The following FBXL13 variants were observed in gnomAD, a reference collection of about 807,000 sequenced individuals.
FBXL13 encodes F-box and leucine rich repeat protein 13, also known as F-box and leucine-rich repeat protein 13.
In FBXL13, 67 loss-of-function variants were observed where a neutral mutation model predicts 83.6. That is an observed-to-expected ratio of 0.80 (90% confidence interval 0.66 to 0.98). The LOEUF (loss-of-function observed/expected upper bound fraction) is 0.98, where lower values mean the gene tolerates loss of function less well. FBXL13 is among the 50% of genes least tolerant of loss of function. The pLI, the probability that FBXL13 is intolerant of heterozygous loss-of-function variation, is 0.00. For synonymous variants in FBXL13, 272 were observed against 299.5 expected (o/e 0.91, Z 0.95); for missense variants, 822 against 866.5 (o/e 0.95, Z 0.64).
chr7:102,835,640 C>T lies in FBXL13; in HGVS notation c.1720-2666G>A, dbSNP rs12333538. Among the ~76,000 whole-genome samples the T allele has an allele frequency of 4.0e-5, 4 of 99,704 alleles. No homozygotes were observed. In the South Asian group the frequency reaches 1.2e-3, roughly 30 times the overall value. The allele number at this position is 99,704 out of a possible 152,430, so 65.4% of individuals were successfully genotyped here. A position where few individuals can be genotyped will look rare whatever the true frequency, so the allele number is the denominator to read the frequency against. ...TTTTTTTTTTTTTGAGACGGAGTCT[C>T]GCTCTGTCGCCCAGGCTGGAGTGCA... On this transcript the variant is annotated intron_variant, in intron 17 of 19. Transcript: ENST00000313221.
At chr7:102,947,616 T>C (rs1459989434) in intron 8 of FBXL13, among the ~76,000 whole-genome samples, 1 of 152,202 alleles carries the variant, frequency 6.6e-6, no homozygotes, top group African/African-American at 2.4e-5. Context: ...ACCAATTTCT[T>C]ACTTTATAGT....
At chr7:102,934,335 T>TA (rs1182209287) in intron 8 of FBXL13, 1 of 1,614,126 alleles carries the variant, frequency 6.2e-7, no homozygotes, top group Non-Finnish European at 8.5e-7. Context: ...CACAACCAGA[T>TA]CAAAGTCTTG....
chr7:102,844,980 C>T (rs1584579574), intron 17 of FBXL13, among the ~76,000 whole-genome samples: 1 of 152,270 alleles, frequency 6.6e-6, no homozygotes, highest in Non-Finnish European at 1.5e-5. Context: ...GTGTAGAGGT[C>T]CTGAGTGCAG....
chr7:102,973,542 G>C (rs368561576), intron 6 of FBXL13: 1 of 764,694 alleles, frequency 1.3e-6, no homozygotes. Flanking sequence ...CATTAAAACA[G>C]CAGGTTGCTC....
At chr7:103,024,857 A>ATATTTT (rs1298384907) in intron 6 of FBXL13, among the ~76,000 whole-genome samples, 10 of 62,838 alleles carry the variant, frequency 1.6e-4, no homozygotes, top group African/African-American at 6.3e-4. Context: ...ATATATATAT[A>ATATTTT]TTTTTTTTTT....
chr7:103,039,750 A>G (rs996869660), intron 2 of FBXL13, among the ~76,000 whole-genome samples: 3 of 152,202 alleles, frequency 2.0e-5, no homozygotes, highest in Non-Finnish European at 2.9e-5. Context: ...AAGGAGAAAT[A>G]AAATCCTTTA....
chr7:103,051,218 A>C (rs1796778929), intron 2 of FBXL13, among the ~76,000 whole-genome samples: 1 of 152,216 alleles, frequency 6.6e-6, no homozygotes, highest in South Asian at 2.1e-4. Flanking sequence ...GAACATAAAA[A>C]TTCCTGTGAA....
At chr7:102,932,493 C>T (rs1819374751) in intron 8 of FBXL13, among the ~76,000 whole-genome samples, 1 of 152,192 alleles carries the variant, frequency 6.6e-6, no homozygotes, top group African/African-American at 2.4e-5. Context: ...GTACACTTCC[C>T]CCCAAATACT....
At chr7:102,939,467 T>C in intron 8 of FBXL13, 1 of 1,613,618 alleles carries the variant, frequency 6.2e-7, no homozygotes, top group Non-Finnish European at 8.5e-7. Context: ...CTCCAGATAT[T>C]GTTAAACTTG....
rs763704448 is a variant in FBXL13 at position 102,846,615 on chromosome 7, CA to C, written c.1719+8161del. 8.9e-3 allele frequency among the ~76,000 whole-genome samples: 1,083 copies of C among 122,372 alleles called. 10 individuals are homozygous for C. The highest frequency in any genetic ancestry group is 0.018 in the African/African-American group (613 of 34,240). 80.3% of individuals were successfully genotyped at this position (122,372 alleles called of 152,430 possible). A position where few individuals can be genotyped will look rare whatever the true frequency, so the allele number is the denominator to read the frequency against. On this transcript the variant is annotated intron_variant, in intron 17 of 19. Coordinates refer to ENST00000313221, the Ensembl canonical transcript of FBXL13. Reference sequence around the variant, plus strand: ...TGGGCAACAGAGCAAGACTCAGTCTCAAAAAAAAAAAAAAAAATCTGAAATG... The same window carrying C: ...TGGGCAACAGAGCAAGACTCAGTCTCAAAAAAAAAAAAAAAATCTGAAATG...
intron 6 of FBXL13, among the ~76,000 whole-genome samples, chr7:103,015,051 T>A (rs934647480): frequency 1.4e-5 from 2 of 147,066 alleles, no homozygotes; most frequent in Non-Finnish European, 3.0e-5. Context: ...CACATGCAAA[T>A]CAATAAATGT....
chr7:103,058,426 G>C (rs1248435883), intron 1 of FBXL13, among the ~76,000 whole-genome samples: 1 of 152,240 alleles, frequency 6.6e-6, no homozygotes, highest in Non-Finnish European at 1.5e-5. Context: ...GCCAGCAAGA[G>C]TGGGTCCTAC....
chr7:102,953,413 A>C (rs1266038018), intron 8 of FBXL13, among the ~76,000 whole-genome samples: 1 of 152,178 alleles, frequency 6.6e-6, no homozygotes, highest in African/African-American at 2.4e-5. Context: ...GAAAGAGGGG[A>C]AAACCATTTC....
intron 16 of FBXL13, among the ~76,000 whole-genome samples, chr7:102,875,917 G>C (rs563010170): frequency 1.3e-5 from 2 of 152,280 alleles, no homozygotes; most frequent in South Asian, 4.1e-4. Flanking sequence ...ATGATGCAAA[G>C]AAAGGTAGAG....
chr7:102,991,295 G>C (rs891961968), intron 6 of FBXL13, among the ~76,000 whole-genome samples: 1 of 152,194 alleles, frequency 6.6e-6, no homozygotes, highest in Non-Finnish European at 1.5e-5. Context: ...GGGTTGGACA[G>C]GATATGGGGG....
intron 6 of FBXL13, among the ~76,000 whole-genome samples, chr7:103,014,780 G>A (rs554564101): frequency 7.2e-5 from 11 of 151,830 alleles, no homozygotes; most frequent in East Asian, 5.8e-4. Context: ...AAAATTAGCC[G>A]GGCAAGGTAG....
At position 102,980,776 on chromosome 7, in the gene FBXL13, CA is replaced by C. The variant is rs1023947053; in HGVS notation, c.496-12660del. Among the ~76,000 whole-genome samples the C allele has an allele frequency of 4.8e-3, 620 of 129,028 alleles. 7 individuals are homozygous for C. Among genetic ancestry groups the C allele is most frequent in the African/African-American group, 0.016 (562 of 34,758 alleles). 84.6% of individuals were successfully genotyped at this position (129,028 alleles called of 152,430 possible). ...TGGGCGACAGAGCGAGACTCCATCT[CA>C]AAAAAAAAAAGAGCTAAAACCATAA... On this transcript the variant is annotated intron_variant, in intron 6 of 19. Transcript: ENST00000313221.
At chr7:102,885,619 TTG>T (rs1305241823) in intron 11 of FBXL13, among the ~76,000 whole-genome samples, 2 of 152,226 alleles carry the variant, frequency 1.3e-5, no homozygotes, top group Non-Finnish European at 2.9e-5. Context: ...ACTTTTAAGT[TTG>T]ATGAAGTTCA....
chr7:102,867,908 TAG>T (rs1021972433), intron 16 of FBXL13, among the ~76,000 whole-genome samples: 1 of 151,484 alleles, frequency 6.6e-6, no homozygotes, highest in Non-Finnish European at 1.5e-5. Flanking sequence ...TTCACCGTGT[TAG>T]CCAGGATGGT....
Sources: gnomAD v4.1 joint callset for allele counts (sites outside exome capture counted in the v4.1 genomes callset) on GRCh38, gnomAD v4.1.1 for gene constraint, MANE v1.5 for transcripts, NCBI Gene and HGNC (gene_info 2026-07-23, HGNC 2026-07-21) for gene names.